SDHA: variants seen among roughly 807,000 people sequenced by gnomAD.
SDHA encodes succinate dehydrogenase [ubiquinone] flavoprotein subunit, mitochondrial.
In SDHA, 48 loss-of-function variants were observed where a neutral mutation model predicts 78.4. That is an observed-to-expected ratio of 0.61 (90% CI 0.49 to 0.78). SDHA has a LOEUF of 0.78. Among genes scored for constraint, SDHA ranks in the 30% least tolerant of loss-of-function variants. SDHA has a pLI of 0.00. For missense variants in SDHA, 680 were observed against 892.7 expected, an observed-to-expected ratio of 0.76 and a Z score of 3.04; for synonymous variants, 326 against 353.9, an observed-to-expected ratio of 0.92 and a Z score of 0.88.
intron 11 of SDHA, among the ~76,000 whole-genome samples, chr5:245,035 C>T (rs1271546929): frequency 6.6e-6 from 1 of 152,144 alleles, no homozygotes; most frequent in Non-Finnish European, 1.5e-5. Context: ...AGAACCTATA[C>T]CTTTAAAATG....
At chr5:251,889 C>T in intron 13 of SDHA, 1 of 351,050 alleles carries the variant, frequency 2.8e-6, no homozygotes. Context: ...GAGGAAATGC[C>T]AGTTTATTAA....
chr5:251,169 G>A lies in SDHA; in HGVS notation c.1663+66G>A, dbSNP rs865972817. On this transcript the variant is annotated intron_variant, in intron 12 of 14. Transcript: ENST00000264932. Reference sequence around the variant, plus strand: ...CCTTCTGCAGGGTGGGCTGGTGTCTGTCCCGTCAGTGCTGACTTAGTTCCG... The same window carrying A: ...CCTTCTGCAGGGTGGGCTGGTGTCTATCCCGTCAGTGCTGACTTAGTTCCG... The A allele has an allele frequency of 2.9e-5, 45 of 1,564,244 alleles. No individual in the cohort carries two copies. In the Middle Eastern group the frequency reaches 6.9e-4, roughly 24 times the overall value.
chr5:236,339 G>T, intron 9 of SDHA, 89 bp from the exon 10 acceptor site: 1 of 1,380,050 alleles, frequency 7.2e-7, no homozygotes, highest in South Asian at 1.2e-5. Flanking sequence ...CCCTCTCTCT[G>T]ACCTGCAGCA....
At chr5:259,569 A>C (rs1383574454), downstream of SDHA, among the ~76,000 whole-genome samples, 2 of 30,020 alleles carry the variant, frequency 6.7e-5, no homozygotes, top group Non-Finnish European at 1.2e-4. Flanking sequence ...GCCTCCCGTC[A>C]CAGCATTACC....
intron 8 of SDHA, chr5:233,865 TTC>T (rs1735586113): frequency 1.9e-6 from 1 of 530,396 alleles, no homozygotes; most frequent in African/African-American, 1.9e-5. Flanking sequence ...GGAACAGAGT[TTC>T]TCTTAGTGTG....
At chr5:258,632 T>C, downstream of SDHA, among the ~76,000 whole-genome samples, 1 of 97,800 alleles carries the variant, frequency 1.0e-5, no homozygotes, top group Non-Finnish European at 2.1e-5. Flanking sequence ...CCGTGTGAGC[T>C]CCGCCTCCCG....
intron 6 of SDHA, among the ~76,000 whole-genome samples, chr5:229,195 G>C (rs887406079): frequency 6.6e-6 from 1 of 152,270 alleles, no homozygotes; most frequent in East Asian, 1.9e-4. Context: ...CAACTATTAC[G>C]GAAAACTCTG....
rs543268322 is a variant in SDHA, at chr5:234,099, G to T, written c.1064+454G>T. 69 of 201,354 alleles carry T rather than the reference G, an allele frequency of 3.4e-4. 1 individual carries two copies. In the South Asian group the frequency reaches 5.7e-3, roughly 17 times the overall value. The allele number at this position is 201,354 out of a possible 1,614,324, so 12.5% of individuals were successfully genotyped here. A position where few individuals can be genotyped will look rare whatever the true frequency, so the allele number is the denominator to read the frequency against. On this transcript the variant is annotated intron_variant, in intron 8 of 14. Transcript: ENST00000264932. Reference sequence around the variant, plus strand: ...TAAATATCTGCTGGTATGGCCTTTAGAGGTTTTACATTTTTATATTAAAAA... The same window carrying T: ...TAAATATCTGCTGGTATGGCCTTTATAGGTTTTACATTTTTATATTAAAAA...
chr5:219,256 ACT>A (rs1734574416), intron 1 of SDHA, among the ~76,000 whole-genome samples: 1 of 148,458 alleles, frequency 6.7e-6, no homozygotes, highest in Non-Finnish European at 1.5e-5. Context: ...TCAGGGTTAT[ACT>A]TCCCTGAGCC....
At chr5:220,852 AC>A (rs1734673133) in intron 1 of SDHA, among the ~76,000 whole-genome samples, 1 of 145,304 alleles carries the variant, frequency 6.9e-6, no homozygotes, top group Admixed American at 7.1e-5. Flanking sequence ...TCACTCTGTC[AC>A]CCAGGCTGGA....
intron 10 of SDHA, among the ~76,000 whole-genome samples, chr5:239,722 A>G (rs1473743713): frequency 6.6e-6 from 1 of 151,736 alleles, no homozygotes; most frequent in Non-Finnish European, 1.5e-5. Flanking sequence ...TTTTTCCCTT[A>G]GTGGAGTGAC....
At chr5:220,853 C>T (rs1469737106) in intron 1 of SDHA, among the ~76,000 whole-genome samples, 1 of 147,014 alleles carries the variant, frequency 6.8e-6, no homozygotes, top group Admixed American at 6.9e-5. Flanking sequence ...CACTCTGTCA[C>T]CCAGGCTGGA....
In SDHA at chr5:256,750, A is replaced by G. The variant is rs1470944283; in HGVS notation, c.*330A>G. On this transcript the variant is annotated 3_prime_UTR_variant, in exon 15 of 15. Coordinates refer to ENST00000264932, the MANE Select transcript of SDHA (RefSeq NM_004168.4). ...TGACTTTAGTCATATTTGTTGACCT[A>G]AAAATCAAATGTAATCTTTGTATTG... is the stretch of plus-strand genomic sequence containing the variant. The G allele has an allele frequency of 8.7e-6, 3 of 344,936 alleles. No individual in the cohort carries two copies. The highest frequency in any genetic ancestry group is 6.3e-5 in the African/African-American group (3 of 47,770). The allele number at this position is 344,936 out of a possible 1,614,324, so 21.4% of individuals were successfully genotyped here.
rs112774789 is a variant in SDHA, at chr5:245,897, A to G, written c.1552-5095A>G. On this transcript the variant is annotated intron_variant, in intron 11 of 14. Coordinates refer to ENST00000264932, the MANE Select transcript of SDHA (RefSeq NM_004168.4). ...TAGCCCTCGGCTTCCTACCTATGCC[A>G]TGAGTAATCTATTTTCTATCCTTAG... Among the ~76,000 whole-genome samples the G allele has an allele frequency of 8.7e-3, 1,331 of 152,270 alleles. 11 individuals carry two copies. Among genetic ancestry groups the G allele is most frequent in the African/African-American group, 0.03 (1,229 of 41,530 alleles).
At chr5:223,650 A>G (rs967335514) in intron 2 of SDHA, 82 bp downstream of exon 2, 2 of 1,007,216 alleles carry the variant, frequency 2.0e-6, no homozygotes, top group Non-Finnish European at 3.2e-6. Context: ...TTTTCATATG[A>G]GTCATAGACA....
the SDHA span, among the ~76,000 whole-genome samples, chr5:267,528 A>C: frequency 1.3e-5 from 2 of 152,224 alleles, no homozygotes; most frequent in South Asian, 4.1e-4. Context: ...TTGAGGGCCT[A>C]TATGTGCCAA....
At chr5:264,566 A>G in the SDHA span, among the ~76,000 whole-genome samples, 3 of 152,216 alleles carry the variant, frequency 2.0e-5, no homozygotes, top group African/African-American at 7.2e-5. Context: ...CACCAGAGAA[A>G]GCCCCTAGGC....
rs1420375226 is a variant in SDHA at position 256,828 on chromosome 5, C to CTTT, written c.*418_*420dup. On this transcript the variant is annotated 3_prime_UTR_variant, in exon 15 of 15. Coordinates refer to ENST00000264932, the MANE Select transcript of SDHA (RefSeq NM_004168.4). ...ATAGTTTCTTTTTTCTTTTTCTTTT[C>CTTT]TTTTTTTTTTTTGAGACAGGATCGG... The CTTT allele has an allele frequency of 3.8e-5, 9 of 237,904 alleles. No individual in the cohort carries two copies. Among genetic ancestry groups the CTTT allele is most frequent in the Admixed American group, 1.6e-4 (3 of 18,612 alleles). The allele number at this position is 237,904 out of a possible 1,614,324, so 14.7% of individuals were successfully genotyped here.
At chr5:240,072 A>G (rs1312629742) in intron 10 of SDHA, among the ~76,000 whole-genome samples, 1 of 152,160 alleles carries the variant, frequency 6.6e-6, no homozygotes, top group Non-Finnish European at 1.5e-5. Context: ...CCCGGCCTAC[A>G]TTTAATTTTT....
Sources: allele counts gnomAD v4.1 joint callset (sites outside exome capture counted in the v4.1 genomes callset), GRCh38; gene constraint gnomAD v4.1.1; transcripts MANE v1.5; gene names NCBI Gene and HGNC (gene_info 2026-07-23, HGNC 2026-07-21).